The following EBF3 variants were observed in gnomAD, a reference collection of about 807,000 sequenced individuals.
EBF3 encodes the protein EBF transcription factor 3.
A neutral mutation model predicts 77.1 loss-of-function variants in EBF3; 18 were observed. That is an observed-to-expected ratio of 0.23 (90% CI 0.16 to 0.35). The LOEUF (loss-of-function observed/expected upper bound fraction) is 0.35. Among genes scored for constraint, EBF3 ranks in the 10% least tolerant of loss-of-function variants. The pLI is 1.00. For missense variants in EBF3, 558 were observed against 860.0 expected (o/e 0.65, Z 4.39); for synonymous variants, 350 against 343.5 (o/e 1.02, Z -0.21).
At chr10:129,889,546 AC>A (rs1018141030) in intron 6 of EBF3, among the ~76,000 whole-genome samples, 14 of 151,850 alleles carry the variant, frequency 9.2e-5, no homozygotes, top group African/African-American at 3.4e-4. Context: ...GCCTCCCTGC[AC>A]CCCCCACCCG....
intron 6 of EBF3, among the ~76,000 whole-genome samples, chr10:129,895,809 T>C (rs1429754635): frequency 1.3e-5 from 2 of 152,296 alleles, no homozygotes; most frequent in East Asian, 3.9e-4. Context: ...TCTCTGCACA[T>C]ATTAGTTAAA....
Position 129,867,964 on chromosome 10 carries a change from C to T in EBF3, c.782-52G>A, listed in dbSNP as rs371794228. ...ACCTTAGAGCCCCGTCCTCCTCCGA[C>T]GCTGGGCCGCTCGGCCACCGCGCGT... On this transcript the variant is annotated intron_variant, in intron 8 of 16. Transcript: ENST00000440978. 1.7e-5 allele frequency: 27 copies of T among 1,592,066 alleles called. No homozygotes were observed. The East Asian group carries it at 2.3e-4, about 13-fold the overall frequency.
intron 6 of EBF3, among the ~76,000 whole-genome samples, chr10:129,887,555 T>C (rs537986215): frequency 6.6e-6 from 1 of 152,266 alleles, no homozygotes; most frequent in African/African-American, 2.4e-5. Context: ...CAGAATGACG[T>C]TGGTGCCATA....
chr10:129,888,103 G>C (rs1853739004), intron 6 of EBF3, among the ~76,000 whole-genome samples: 1 of 152,206 alleles, frequency 6.6e-6, no homozygotes, highest in South Asian at 2.1e-4. Context: ...GAACAGTTTC[G>C]TTGTCCTCGA....
Position 129,957,312 on chromosome 10 carries a change from T to C in EBF3, c.500A>G (p.Lys167Arg). 2 of 1,610,150 alleles carry C rather than the reference T, an allele frequency of 1.2e-6. No homozygotes were observed. The highest frequency in any genetic ancestry group is 1.7e-6 in the Non-Finnish European group (2 of 1,177,354). The change falls in exon 6 of 17, where the codon AAG becomes AGG. Residue 167 changes from lysine (K) to arginine (R), a missense_variant. Lys to Arg is a conservative substitution (Grantham distance 26). Around this residue, in one of 5 missense-constraint regions of EBF3, gnomAD observed 14 missense variants for 87.3 expected, o/e 0.16. Coordinates refer to ENST00000440978, the MANE Select transcript of EBF3 (RefSeq NM_001375380.1). ...TTCGTTTCTATTGCCACAACTTTTC[T>C]TGTCACAGCACCGGCTGTGGAGCAA... ...HEIMCSRCCD[K>R]KSCGNRNETP...
In EBF3 at chr10:129,878,661, C is replaced by CAAAA. The variant is rs538628576; in HGVS notation, c.555-816_555-813dup. ...TGGTTGACAGCTCAAGGCTCTGTCT[C>CAAAA]AAAAAAAAAAAAAAAAAAAAAAGAG... On this transcript the variant is annotated intron_variant, in intron 6 of 16. Coordinates refer to ENST00000440978, the MANE Select transcript of EBF3 (RefSeq NM_001375380.1). 3.1e-3 allele frequency among the ~76,000 whole-genome samples: 109 copies of CAAAA among 34,836 alleles called. 11 individuals are homozygous for CAAAA. The highest frequency in any genetic ancestry group is 0.012 in the African/African-American group (96 of 7,794). The allele number at this position is 34,836 out of a possible 152,430, so 22.9% of individuals were successfully genotyped here.
At chr10:129,844,658 G>T (rs775290615) in intron 11 of EBF3, among the ~76,000 whole-genome samples, 1 of 152,006 alleles carries the variant, frequency 6.6e-6, no homozygotes, top group East Asian at 1.9e-4. Flanking sequence ...ACGTTCCCAG[G>T]AACAGCACTT....
chr10:129,859,939 C>T (rs1468984893), intron 10 of EBF3, among the ~76,000 whole-genome samples: 2 of 152,200 alleles, frequency 1.3e-5, no homozygotes, highest in Non-Finnish European at 2.9e-5. Flanking sequence ...CTCTTTGGTG[C>T]TGAAAGAACC....
At chr10:129,911,360 C>T (rs965260443) in intron 6 of EBF3, among the ~76,000 whole-genome samples, 6 of 152,190 alleles carry the variant, frequency 3.9e-5, no homozygotes, top group Non-Finnish European at 8.8e-5. Context: ...CTTAGAGGAC[C>T]GTCCTCAGTT....
chr10:129,876,890 C>A (rs1317217260), intron 7 of EBF3, among the ~76,000 whole-genome samples: 8 of 98,430 alleles, frequency 8.1e-5, no homozygotes, highest in African/African-American at 1.1e-4. Context: ...CCTGAACCCC[C>A]CCCCCCCCCC....
At chr10:129,869,102 C>T (rs542020700) in intron 8 of EBF3, among the ~76,000 whole-genome samples, 5 of 152,328 alleles carry the variant, frequency 3.3e-5, no homozygotes, top group African/African-American at 7.2e-5. Flanking sequence ...GACACAATTA[C>T]ACCCTAAATG....
chr10:129,960,038 G>A (rs11592928), intron 4 of EBF3, among the ~76,000 whole-genome samples: 61,922 of 151,596 alleles, frequency 0.41, 15,140 homozygotes, highest in South Asian at 0.56. Flanking sequence ...TCCGCCGCTG[G>A]GAACCCGAGC....
intron 10 of EBF3, among the ~76,000 whole-genome samples, chr10:129,850,102 C>T (rs1261655149): frequency 1.3e-5 from 2 of 152,260 alleles, no homozygotes; most frequent in Non-Finnish European, 2.9e-5. Context: ...AAAGTATTAC[C>T]TTTCCTGAAC....
chr10:129,877,664 C>G (rs1852886229), intron 7 of EBF3, 104 bp downstream of exon 7: 3 of 967,238 alleles, frequency 3.1e-6, no homozygotes, highest in East Asian at 5.0e-5. Flanking sequence ...CTTCCAAGCC[C>G]TTAAAGAACT....
intron 14 of EBF3, 142 bp downstream of exon 14, chr10:129,840,702 C>A: frequency 7.9e-7 from 1 of 1,260,368 alleles, no homozygotes; most frequent in Non-Finnish European, 1.1e-6. Context: ...AATTTACGGT[C>A]GCCATTTGGA....
rs1415287047 is a variant in EBF3, at chr10:129,847,226, C to T, written c.1128+1166G>A. Among the ~76,000 whole-genome samples, 5 of 152,064 alleles carry T rather than the reference C, an allele frequency of 3.3e-5. No individual in the cohort carries two copies. The South Asian group carries it at 8.3e-4, about 25-fold the overall frequency. ...GCCTCAAACCCAGTGCTTCCATGGG[C>T]CTGCCAAGGCATGTGGTCTGTCTAT... On this transcript the variant is annotated intron_variant, in intron 11 of 16. Coordinates refer to ENST00000440978, the MANE Select transcript of EBF3 (RefSeq NM_001375380.1).
intron 10 of EBF3, among the ~76,000 whole-genome samples, chr10:129,859,149 A>G (rs1851448789): frequency 6.6e-6 from 1 of 152,234 alleles, no homozygotes; most frequent in African/African-American, 2.4e-5. Context: ...GCTGACAGAC[A>G]GCCTTCTATT....
At chr10:129,893,371 T>C (rs547703452) in intron 6 of EBF3, among the ~76,000 whole-genome samples, 60 of 152,304 alleles carry the variant, frequency 3.9e-4, no homozygotes, top group African/African-American at 1.2e-3. Context: ...GCATACATTA[T>C]CATACATAAT....
At chr10:129,838,401 C>T (rs2133931233) in intron 16 of EBF3, among the ~76,000 whole-genome samples, 1 of 152,344 alleles carries the variant, frequency 6.6e-6, no homozygotes, top group East Asian at 1.9e-4. Context: ...GCTCTCGCTC[C>T]CTATGTGAGA....
Sources: gnomAD v4.1 joint callset for allele counts (sites outside exome capture counted in the v4.1 genomes callset) on GRCh38, gnomAD v4.1.1 for gene constraint, gnomAD v4.1.1 regional missense constraint, MANE v1.5 for transcripts, NCBI Gene and HGNC (gene_info 2026-07-23, HGNC 2026-07-21) for gene names.